The following ARL8B variants were observed in gnomAD, a reference collection of about 807,000 sequenced individuals.
The protein encoded by ARL8B is ARF like GTPase 8B, also known as ADP-ribosylation factor-like protein 8B.
A neutral mutation model predicts 30.6 loss-of-function variants in ARL8B; 9 were observed. The ratio of observed to expected loss-of-function variants is 0.29; its 90% CI spans 0.18 to 0.51. The LOEUF (loss-of-function observed/expected upper bound fraction) is 0.51. Ranked by LOEUF, ARL8B falls within the 20% of genes least tolerant of loss-of-function variation. The pLI is 0.97. For synonymous variants in ARL8B, 74 were observed against 76.0 expected (o/e 0.97, Z 0.14); for missense variants, 130 against 227.2 (o/e 0.57, Z 2.75).
chr3:5,174,399 GA>G lies in ARL8B; in HGVS notation c.500del (p.Lys167ArgfsTer4). The G allele has an allele frequency of 6.2e-7, 1 of 1,602,690 alleles. No homozygotes were observed. The highest frequency in any genetic ancestry group is 8.5e-7 in the Non-Finnish European group (1 of 1,170,112). On this transcript the variant is annotated frameshift_variant, in exon 6 of 7. Transcript: ENST00000256496. LOFTEE classifies it high-confidence loss of function. ...TTGCTGCTATTCAATTTCTTGCAAA[GA>G]AAAGGATAATATAGGTAAGAAATGA... The part of the protein sequence containing the change: ...EICCYSISCK[E>X]KDNIDITLQW...
intron 1 of ARL8B, among the ~76,000 whole-genome samples, chr3:5,133,247 G>A (rs1387351874): frequency 2.6e-5 from 4 of 152,216 alleles, no homozygotes; most frequent in Non-Finnish European, 5.9e-5. Context: ...ACAGGGCCTT[G>A]ACTGAGTGTG....
intron 1 of ARL8B, among the ~76,000 whole-genome samples, chr3:5,145,080 T>C (rs927668988): frequency 1.6e-5 from 2 of 123,084 alleles, no homozygotes; most frequent in African/African-American, 8.5e-5. Flanking sequence ...GCATAACCAT[T>C]ATCTCTCTTT....
intron 1 of ARL8B, among the ~76,000 whole-genome samples, chr3:5,157,451 A>C (rs2054543049): frequency 6.6e-6 from 1 of 152,016 alleles, no homozygotes; most frequent in Non-Finnish European, 1.5e-5. Context: ...CTCAGGGGCC[A>C]CAAGGTAGGA....
intron 1 of ARL8B, among the ~76,000 whole-genome samples, chr3:5,135,788 A>G (rs1317758815): frequency 7.5e-6 from 1 of 132,612 alleles, no homozygotes; most frequent in Non-Finnish European, 1.6e-5. Flanking sequence ...TATTATTATT[A>G]TTATTATTAT....
intron 1 of ARL8B, among the ~76,000 whole-genome samples, chr3:5,123,915 C>T (rs920407903): frequency 2.0e-5 from 3 of 152,170 alleles, no homozygotes; most frequent in African/African-American, 7.2e-5. Context: ...GCTTTGTCCC[C>T]CAGGCTGGAG....
chr3:5,124,357 C>T (rs191025103), intron 1 of ARL8B, among the ~76,000 whole-genome samples: 15 of 149,226 alleles, frequency 1.0e-4, no homozygotes, highest in African/African-American at 3.2e-4. Context: ...CCTCCTGCCT[C>T]GGCCTCCCAA....
At chr3:5,125,621 C>T (rs2054224086) in intron 1 of ARL8B, among the ~76,000 whole-genome samples, 1 of 151,952 alleles carries the variant, frequency 6.6e-6, no homozygotes, top group Non-Finnish European at 1.5e-5. Flanking sequence ...CAACCTCTGC[C>T]TCCTGGGTTC....
intron 1 of ARL8B, among the ~76,000 whole-genome samples, chr3:5,164,385 G>A (rs2054606990): frequency 6.6e-6 from 1 of 152,038 alleles, no homozygotes; most frequent in Admixed American, 6.6e-5. Context: ...TAAAGAATGA[G>A]GTAGTATTTG....
chr3:5,147,570 T>G (rs1352723977), intron 1 of ARL8B, among the ~76,000 whole-genome samples: 3 of 152,190 alleles, frequency 2.0e-5, no homozygotes, highest in Non-Finnish European at 4.4e-5. Context: ...TATCATTCCC[T>G]TCTCTCCTTT....
At chr3:5,159,602 CAAAAAAAAA>C (rs71053495) in intron 1 of ARL8B, among the ~76,000 whole-genome samples, 34 of 77,070 alleles carry the variant, frequency 4.4e-4, no homozygotes, top group South Asian at 1.0e-3. Flanking sequence ...AACTCCGTCT[CAAAAAAAAA>C]AAAAAAAAAA....
At chr3:5,130,441 A>G (rs113518382) in intron 1 of ARL8B, among the ~76,000 whole-genome samples, 2 of 151,778 alleles carry the variant, frequency 1.3e-5, no homozygotes, top group African/African-American at 4.8e-5. Flanking sequence ...GGTAGATTGC[A>G]TATTCCATAA....
At chr3:5,152,788 A>AATCTGGGTTTATTGAAGACAAC (rs1335068847) in intron 1 of ARL8B, among the ~76,000 whole-genome samples, 62 of 152,342 alleles carry the variant, frequency 4.1e-4, no homozygotes, top group African/African-American at 1.4e-3. Context: ...GCCTAGACAA[A>AATCTGGGTTTATTGAAGACAAC]ATCTGGGTTT....
At chr3:5,131,759 T>C (rs887856698) in intron 1 of ARL8B, among the ~76,000 whole-genome samples, 7 of 152,252 alleles carry the variant, frequency 4.6e-5, no homozygotes, top group African/African-American at 1.7e-4. Flanking sequence ...ATATTTTGGT[T>C]ACTGCCATTA....
chr3:5,174,124 A>G (rs1559287109), intron 5 of ARL8B, 40 bp downstream of exon 5: 2 of 1,542,176 alleles, frequency 1.3e-6, no homozygotes, highest in Non-Finnish European at 8.9e-7. Flanking sequence ...TTGCTTCTAA[A>G]TTACCATATT....
intron 1 of ARL8B, among the ~76,000 whole-genome samples, chr3:5,122,950 C>G (rs1004924603): frequency 4.6e-5 from 7 of 152,186 alleles, no homozygotes; most frequent in Non-Finnish European, 1.0e-4. Flanking sequence ...AGAGTTAAGT[C>G]CAGTCTGTCA....
chr3:5,173,551 G>A lies in ARL8B; in HGVS notation c.373-466G>A, dbSNP rs181616981. 1.0e-3 allele frequency among the ~76,000 whole-genome samples: 157 copies of A among 152,126 alleles called. 1 individual carries two copies. Among genetic ancestry groups the A allele is most frequent in the African/African-American group, 3.7e-3 (152 of 41,508 alleles). The stretch of plus-strand genomic sequence containing the variant: ...GGAGATCGAGACCATCCTGGCTAAC[G>A]CGGTGAAACCCCGTCTCTACTACAA... On this transcript the variant is annotated intron_variant, in intron 4 of 6. Coordinates refer to ENST00000256496, the MANE Select transcript of ARL8B (RefSeq NM_018184.3).
At position 5,170,579 on chromosome 3, in the gene ARL8B, T is replaced by C; in HGVS notation, c.200T>C (p.Ile67Thr). ...AAGGTAACTAAAGGTAACGTCACAA[T>C]AAAGGTAAGTTATTTCTTGCCGTAC... The part of the protein sequence containing the change: ...MRKVTKGNVT[I>T]KIWDIGGQPR... The change falls in exon 2 of 7, where the codon ATA becomes ACA. Residue 67 changes from isoleucine (I) to threonine (T), a missense_variant. Transcript: ENST00000256496. The C allele has an allele frequency of 1.2e-6, 2 of 1,608,516 alleles. No individual in the cohort carries two copies. The highest frequency in any genetic ancestry group is 1.7e-6 in the Non-Finnish European group (2 of 1,175,598).
chr3:5,136,892 G>T (rs1393117912), intron 1 of ARL8B, among the ~76,000 whole-genome samples: 1 of 152,100 alleles, frequency 6.6e-6, no homozygotes, highest in Non-Finnish European at 1.5e-5. Context: ...GTAAAACTTT[G>T]CCCTAACTCG....
chr3:5,150,336 G>C (rs984707567), intron 1 of ARL8B, among the ~76,000 whole-genome samples: 2 of 151,214 alleles, frequency 1.3e-5, no homozygotes, highest in Non-Finnish European at 2.9e-5. Context: ...GGTGGCACAC[G>C]CCTGTAATCC....
Sources: allele counts gnomAD v4.1 joint callset (sites outside exome capture counted in the v4.1 genomes callset), GRCh38; gene constraint gnomAD v4.1.1; transcripts MANE v1.5; gene names NCBI Gene and HGNC (gene_info 2026-07-23, HGNC 2026-07-21).